LAS1L: variants seen among roughly 807,000 people sequenced by gnomAD.
LAS1L encodes LAS1 like ribosome biogenesis factor, also known as ribosomal biogenesis protein LAS1L.
LAS1L carries 5 observed loss-of-function variants against 57.3 expected under a neutral mutation model. The observed-to-expected ratio is 0.09, with a 90% CI of 0.05 to 0.18. The LOEUF is 0.18. LAS1L is among the 10% of genes least tolerant of loss of function. LAS1L has a pLI of 1.00. For synonymous variants in LAS1L, 245 were observed against 231.7 expected (o/e 1.06, Z -0.52); for missense variants, 360 against 568.3 (o/e 0.63, Z 3.73).
At chrX:65,524,322 G>A (rs1048902938) in intron 9 of LAS1L, 60 bp from the exon 10 acceptor site, 4 of 909,887 alleles carry the variant, frequency 4.4e-6, no homozygotes, top group Non-Finnish European at 6.3e-6. Flanking sequence ...AGGAGAGCAC[G>A]AAAGAGAGAG....
chrX:65,531,357 C>T lies in LAS1L; in HGVS notation c.514G>A (p.Gly172Ser). ...ATAGGTATAACCTCTGAGGACTCAC[C>T]TCTGCGGCAGTCATTTATATGGGGC... Reference protein sequence around the residue: ...KMPHINDCRRGCYFVLDWLQK... With the variant: ...KMPHINDCRRSCYFVLDWLQK... The change falls in exon 4 of 14, where the codon GGC becomes AGC. Residue 172 changes from glycine to serine, a missense_variant and splice_region_variant. Around this residue, in one of 7 missense-constraint regions of LAS1L, gnomAD observed 43 missense variants for 78.0 expected, o/e 0.55. Transcript: ENST00000374811. 8.3e-7 allele frequency: 1 copy of T among 1,200,113 alleles called. No homozygotes were observed. The highest frequency in any genetic ancestry group is 1.1e-6 in the Non-Finnish European group (1 of 885,140).
In LAS1L at chrX:65,514,811, A is replaced by G; in HGVS notation, c.2078+12T>C. The G allele has an allele frequency of 8.6e-7, 1 of 1,164,514 alleles. No individual in the cohort carries two copies. Among genetic ancestry groups the G allele is most frequent in the Non-Finnish European group, 1.2e-6 (1 of 867,682 alleles). ...AAAGGGGGTGAGAAATCCTGTTGCC[A>G]TGGGCACTCACTCAGTCTTGCATGT... On this transcript the variant is annotated intron_variant, in intron 13 of 13. Transcript: ENST00000374811.
Position 65,518,161 on chromosome X carries a change from T to C in LAS1L, c.1753A>G (p.Asn585Asp). The C allele has an allele frequency of 8.3e-7, 1 of 1,201,766 alleles. No individual in the cohort carries two copies. Among genetic ancestry groups the C allele is most frequent in the Non-Finnish European group, 1.1e-6 (1 of 886,386 alleles). The change falls in exon 12 of 14, where the codon AAT (asparagine) becomes GAT (aspartate). Residue 585 changes from asparagine to aspartate, a missense_variant. This residue lies in a region of LAS1L where 123 missense variants were observed against 168.3 expected (regional missense o/e 0.73). Transcript: ENST00000374811. ...TCCTCTTCCTCCTCTTGGTCATCATTTTCTTCCTCCTCCTCTACCTGGTCT... is the reference window on the plus strand; with the variant it reads ...TCCTCTTCCTCCTCTTGGTCATCATCTTCTTCCTCCTCCTCTACCTGGTCT... The part of the protein sequence containing the change: ...LPDQVEEEEE[N>D]DDQEEEEEDE...
At chrX:65,531,165 T>C (rs184813627) in intron 4 of LAS1L, among the ~76,000 whole-genome samples, 192 bp downstream of exon 4, 1 of 112,397 alleles carries the variant, frequency 8.9e-6, no homozygotes, top group African/African-American at 3.2e-5. Context: ...TAATATGTTA[T>C]TTATCTTGAT....
In LAS1L at chrX:65,521,327, G is replaced by A. The variant is rs2068840456; in HGVS notation, c.1448+2233C>T. The A allele has an allele frequency of 4.1e-6, 3 of 733,873 alleles. No homozygotes were observed. In the South Asian group the frequency reaches 2.1e-4, roughly 51 times the overall value. 60.5% of individuals were successfully genotyped at this position (733,873 alleles called of 1,213,427 possible). A position where few individuals can be genotyped will look rare whatever the true frequency, so the allele number is the denominator to read the frequency against. The stretch of plus-strand genomic sequence containing the variant: ...AGAGCAGAGCACGGTTCAATTCAAC[G>A]ACATTTACTGAGGCCTGTTTGGTGC... On this transcript the variant is annotated intron_variant, in intron 11 of 13. Transcript: ENST00000374811.
intron 6 of LAS1L, 53 bp from the exon 7 acceptor site, chrX:65,528,422 T>C: frequency 1.4e-6 from 1 of 706,921 alleles, no homozygotes; most frequent in Non-Finnish European, 2.2e-6. Flanking sequence ...GCAACCCACC[T>C]CCACCCCTCC....
rs779338257 is a variant in LAS1L at position 65,523,688 on chromosome X, A to C, written c.1320T>G (p.Phe440Leu). Residue 440 changes from phenylalanine to leucine, a missense_variant, in exon 11 of 14, where the codon TTT becomes TTG. This residue lies in a region of LAS1L where 81 missense variants were observed against 192.1 expected (regional missense o/e 0.42). Coordinates refer to ENST00000374811, the MANE Select transcript of LAS1L (RefSeq NM_031206.7). ...TTCTTGCTTCCCACTGGCCTGCAGA[A>C]AATCGGCGAGCATTCCGTCCTGAGA... ...NTKTGRNARR[F>L]SAGQWEARRG... 1 of 1,194,869 alleles carries C rather than the reference A, an allele frequency of 8.4e-7. No homozygotes were observed. The highest frequency in any genetic ancestry group is 1.1e-6 in the Non-Finnish European group (1 of 887,032).
In LAS1L at chrX:65,529,883, A is replaced by G. The variant is rs778230760; in HGVS notation, c.515-5T>C. ...AATCCAGGACAAAGTAGCAGCCTAGAGGGGGGAAGGCAGGCAGTGCCACAG... is the reference window on the plus strand; with the variant it reads ...AATCCAGGACAAAGTAGCAGCCTAGGGGGGGGAAGGCAGGCAGTGCCACAG... On this transcript the variant is annotated splice_region_variant and splice_polypyrimidine_tract_variant and intron_variant, in intron 4 of 13. Coordinates refer to ENST00000374811, the MANE Select transcript of LAS1L (RefSeq NM_031206.7). 4.1e-6 allele frequency: 5 copies of G among 1,208,494 alleles called. No individual in the cohort carries two copies. The Admixed American group carries it at 1.1e-4, about 26-fold the overall frequency.
At chrX:65,532,801 A>G (rs2069565889) in intron 2 of LAS1L, among the ~76,000 whole-genome samples, 171 bp from the exon 3 acceptor site, 1 of 112,335 alleles carries the variant, frequency 8.9e-6, no homozygotes, top group Non-Finnish European at 1.9e-5. Context: ...CCAACATTTA[A>G]TGAGAGTCTG....
At chrX:65,514,754 C>A in intron 13 of LAS1L, 69 bp downstream of exon 13, 1 of 1,050,306 alleles carries the variant, frequency 9.5e-7, no homozygotes, top group Admixed American at 3.1e-5. Flanking sequence ...CCCACCTCAC[C>A]TTGTCTTCTC....
chrX:65,521,018 T>C (rs2068827610), intron 11 of LAS1L: 1 of 752,169 alleles, frequency 1.3e-6, no homozygotes, highest in African/African-American at 2.3e-5. Flanking sequence ...CTCCTCCCAA[T>C]TGCCCACCCA....
intron 13 of LAS1L, 79 bp downstream of exon 13, chrX:65,514,744 C>T: frequency 1.0e-6 from 1 of 999,587 alleles, no homozygotes; most frequent in East Asian, 3.6e-5. Flanking sequence ...ACCTCCCCCA[C>T]CCACCTCACC....
At chrX:65,523,757 C>T (rs2068980437) in intron 10 of LAS1L, 50 bp from the exon 11 acceptor site, 5 of 1,121,989 alleles carry the variant, frequency 4.5e-6, no homozygotes, top group Non-Finnish European at 5.9e-6. Context: ...AGCCCCCCAC[C>T]CAACATTTCA....
chrX:65,534,595 T>A lies in LAS1L; in HGVS notation c.121A>T (p.Ile41Phe). Residue 41 changes from isoleucine to phenylalanine, a missense_variant, in exon 1 of 14, where the codon ATC becomes TTC. Coordinates refer to ENST00000374811, the MANE Select transcript of LAS1L (RefSeq NM_031206.7). Reference protein sequence around the residue: ...KGSLPLSAHGIVVAWLSRAEW... With the variant: ...KGSLPLSAHGFVVAWLSRAEW... ...GCCCTGCTGAGCCAGGCGACCACGA[T>A]GCCGTGGGCCGAGAGTGGCAACGAC... The A allele has an allele frequency of 8.3e-7, 1 of 1,205,637 alleles. No homozygotes were observed. The highest frequency in any genetic ancestry group is 1.1e-6 in the Non-Finnish European group (1 of 892,221).
Position 65,512,676 on chromosome X carries a change from C to G in LAS1L, c.*99G>C. 1 of 968,075 alleles carries G rather than the reference C, an allele frequency of 1.0e-6. No individual in the cohort carries two copies. Among genetic ancestry groups the G allele is most frequent in the Non-Finnish European group, 1.4e-6 (1 of 720,626 alleles). 79.8% of individuals were successfully genotyped at this position (968,075 alleles called of 1,213,427 possible). A position where few individuals can be genotyped will look rare whatever the true frequency, so the allele number is the denominator to read the frequency against. The stretch of plus-strand genomic sequence containing the variant: ...GACAACTGAGTTGATGTGGCTGATC[C>G]AGGCTGTCTCCCAGGTTGTCTCAGG... On this transcript the variant is annotated 3_prime_UTR_variant, in exon 14 of 14. Coordinates refer to ENST00000374811, the MANE Select transcript of LAS1L (RefSeq NM_031206.7).
In LAS1L at chrX:65,528,435, G is replaced by A. The variant is rs755991549; in HGVS notation, c.847-66C>T. 1.6e-4 allele frequency: 101 copies of A among 650,570 alleles called. No individual in the cohort carries two copies. The African/African-American group carries it at 2.1e-3, about 13-fold the overall frequency. The allele number at this position is 650,570 out of a possible 1,213,427, so 53.6% of individuals were successfully genotyped here. A position where few individuals can be genotyped will look rare whatever the true frequency, so the allele number is the denominator to read the frequency against. On this transcript the variant is annotated intron_variant, in intron 6 of 13. Coordinates refer to ENST00000374811, the MANE Select transcript of LAS1L (RefSeq NM_031206.7). Reference sequence around the variant, plus strand: ...AAGCAACCCACCTCCACCCCTCCAGGATCCCTTCCCATAGGACCTCTCAGC... The same window carrying A: ...AAGCAACCCACCTCCACCCCTCCAGAATCCCTTCCCATAGGACCTCTCAGC...
chrX:65,518,384 A>C lies in LAS1L; in HGVS notation c.1530T>G (p.Ser510Arg). 11 of 1,211,171 alleles carry C rather than the reference A, an allele frequency of 9.1e-6. No homozygotes were observed. The highest frequency in any genetic ancestry group is 1.2e-5 in the Non-Finnish European group (11 of 895,329). Residue 510 changes from serine (S) to arginine (R), a missense_variant, in exon 12 of 14, where the codon AGT becomes AGG. By Grantham distance (110) the Ser-to-Arg change is moderately radical. Around this residue, in one of 7 missense-constraint regions of LAS1L, gnomAD observed 123 missense variants for 168.3 expected, o/e 0.73. Coordinates refer to ENST00000374811, the MANE Select transcript of LAS1L (RefSeq NM_031206.7). ...CCTCCTGCACCAGGCTGTTTTCTCC[A>C]CTCTGGGTATAAATGGAACAGATGC... ...LLRICSIYTQ[S>R]GENSLVQEGS...
Position 65,529,734 on chromosome X carries a change from TCAA to T in LAS1L, c.656_658del (p.Val219del), listed in dbSNP as rs927523375. The T allele has an allele frequency of 2.5e-6, 3 of 1,212,006 alleles. No homozygotes were observed. The highest frequency in any genetic ancestry group is 2.2e-5 in the Admixed American group (1 of 46,039). On this transcript the variant is annotated inframe_deletion, in exon 5 of 14. Coordinates refer to ENST00000374811, the MANE Select transcript of LAS1L (RefSeq NM_031206.7). Reference sequence around the variant, plus strand: ...CTCTGGTTTCTGTTCTGTGATGTCATCAACAACAATGTTCTTATCTTCCTCTTG... The same window carrying T: ...CTCTGGTTTCTGTTCTGTGATGTCATCAACAATGTTCTTATCTTCCTCTTG...
In LAS1L at chrX:65,518,175, T is replaced by G; in HGVS notation, c.1739A>C (p.Glu580Ala). ...EEKEVLPDQV[E>A]EEEENDDQEE... ...TTGGTCATCATTTTCTTCCTCCTCC[T>G]CTACCTGGTCTGGCAAGACCTCTTT... The change falls in exon 12 of 14, where the codon GAG becomes GCG. Residue 580 changes from glutamate (E) to alanine (A), a missense_variant. Coordinates refer to ENST00000374811, the MANE Select transcript of LAS1L (RefSeq NM_031206.7). 6 of 1,202,419 alleles carry G rather than the reference T, an allele frequency of 5.0e-6. No homozygotes were observed. The highest frequency in any genetic ancestry group is 6.8e-6 in the Non-Finnish European group (6 of 886,864).
Sources: gnomAD v4.1 joint callset for allele counts (sites outside exome capture counted in the v4.1 genomes callset) on GRCh38, gnomAD v4.1.1 for gene constraint, gnomAD v4.1.1 regional missense constraint, MANE v1.5 for transcripts, NCBI Gene and HGNC (gene_info 2026-07-23, HGNC 2026-07-21) for gene names.